RSRC1: variants seen among roughly 807,000 people sequenced by gnomAD.
RSRC1 encodes the protein arginine and serine rich coiled-coil 1.
Under a neutral mutation model 49.1 loss-of-function variants are expected in RSRC1, and 39 were observed. That is an observed-to-expected ratio of 0.79 (90% confidence interval 0.61 to 1.04). The LOEUF (loss-of-function observed/expected upper bound fraction) is 1.04. RSRC1 is among the 50% of genes least tolerant of loss of function. The pLI is 0.00. For synonymous variants in RSRC1, 143 were observed against 130.8 expected (o/e 1.09, Z -0.63); for missense variants, 388 against 402.4 (o/e 0.96, Z 0.31).
chr3:158,134,499 A>G (rs1716236103), intron 3 of RSRC1, among the ~76,000 whole-genome samples: 1 of 152,228 alleles, frequency 6.6e-6, no homozygotes, highest in Admixed American at 6.5e-5. Flanking sequence ...GAAAATCTGC[A>G]TTGCATAGTT....
chr3:158,392,160 C>T (rs1446944981), intron 6 of RSRC1, among the ~76,000 whole-genome samples: 1 of 152,122 alleles, frequency 6.6e-6, no homozygotes, highest in African/African-American at 2.4e-5. Flanking sequence ...TGCATACCTA[C>T]ATACTATATT....
intron 3 of RSRC1, among the ~76,000 whole-genome samples, chr3:158,194,591 C>T (rs1225247329): frequency 1.3e-5 from 2 of 150,734 alleles, no homozygotes; most frequent in African/African-American, 4.9e-5. Context: ...TGGTGTGCTG[C>T]ACCCATTAAC....
intron 3 of RSRC1, among the ~76,000 whole-genome samples, chr3:158,168,990 C>T (rs1261696864): frequency 6.6e-6 from 1 of 152,046 alleles, no homozygotes; most frequent in Non-Finnish European, 1.5e-5. Flanking sequence ...GAGGTTGAAC[C>T]CACCTCGTTG....
At chr3:158,420,397 T>A (rs1346027489) in intron 6 of RSRC1, among the ~76,000 whole-genome samples, 1 of 151,906 alleles carries the variant, frequency 6.6e-6, no homozygotes, top group Non-Finnish European at 1.5e-5. Context: ...GTCAGAACCC[T>A]ACAACAGTTT....
At chr3:158,218,103 G>A (rs983165290) in intron 4 of RSRC1, among the ~76,000 whole-genome samples, 9 of 151,658 alleles carry the variant, frequency 5.9e-5, no homozygotes, top group Non-Finnish European at 1.2e-4. Flanking sequence ...CGGAGAAACA[G>A]ATAGGGGCTA....
In RSRC1 at chr3:158,433,156, CT is replaced by C. The variant is rs201295151; in HGVS notation, c.584-27777del. ...CTATATAACATCACGTAATGCTGTG[CT>C]TGCTTACTATTAAATAGGTTTTAGA... On this transcript the variant is annotated intron_variant, in intron 6 of 9. Transcript: ENST00000611884. Among the ~76,000 whole-genome samples the C allele has an allele frequency of 9.0e-3, 1,367 of 151,966 alleles. 8 individuals are homozygous for C. The highest frequency in any genetic ancestry group is 0.013 in the Non-Finnish European group (852 of 67,896).
intron 6 of RSRC1, among the ~76,000 whole-genome samples, chr3:158,406,454 A>C (rs899833360): frequency 6.6e-6 from 1 of 152,098 alleles, no homozygotes; most frequent in Non-Finnish European, 1.5e-5. Flanking sequence ...AAAATTCTTA[A>C]GGTAATTGGT....
intron 7 of RSRC1, among the ~76,000 whole-genome samples, chr3:158,510,772 G>T (rs919028475): frequency 6.6e-6 from 1 of 151,986 alleles, no homozygotes; most frequent in African/African-American, 2.4e-5. Context: ...TATTGGAATT[G>T]ATTATTAAGT....
At chr3:158,480,226 T>G (rs994187981) in intron 7 of RSRC1, among the ~76,000 whole-genome samples, 2 of 152,066 alleles carry the variant, frequency 1.3e-5, no homozygotes, top group African/African-American at 4.8e-5. Flanking sequence ...TTAGAAGTTT[T>G]AGAAGCAATT....
At chr3:158,378,926 T>A (rs1295895964) in intron 6 of RSRC1, among the ~76,000 whole-genome samples, 1 of 152,208 alleles carries the variant, frequency 6.6e-6, no homozygotes, top group Non-Finnish European at 1.5e-5. Context: ...TCTTCAGAGA[T>A]TTTAAATGGT....
At chr3:158,434,684 C>T (rs909352447) in intron 6 of RSRC1, among the ~76,000 whole-genome samples, 25 of 151,932 alleles carry the variant, frequency 1.6e-4, no homozygotes, top group African/African-American at 5.8e-4. Flanking sequence ...AGCTCCTGCT[C>T]ATTACACCTG....
At chr3:158,235,985 G>A (rs140968123) in intron 4 of RSRC1, among the ~76,000 whole-genome samples, 1 of 152,106 alleles carries the variant, frequency 6.6e-6, no homozygotes, top group East Asian at 1.9e-4. Flanking sequence ...GTATGGTGGT[G>A]TATGTCTATA....
chr3:158,540,262 C>T (rs545622361), intron 8 of RSRC1, among the ~76,000 whole-genome samples: 1 of 152,196 alleles, frequency 6.6e-6, no homozygotes, highest in African/African-American at 2.4e-5. Flanking sequence ...AAAAAAATTG[C>T]TGACACCAAA....
At chr3:158,121,816 C>G (rs1047944537) in intron 1 of RSRC1, among the ~76,000 whole-genome samples, 1 of 152,056 alleles carries the variant, frequency 6.6e-6, no homozygotes, top group African/African-American at 2.4e-5. Flanking sequence ...TTGAATAAGA[C>G]TTTTAAAAAT....
chr3:158,138,289 T>C lies in RSRC1; in HGVS notation c.320+14298T>C, dbSNP rs142943045. On this transcript the variant is annotated intron_variant, in intron 3 of 9. Coordinates refer to ENST00000611884, the MANE Select transcript of RSRC1 (RefSeq NM_001271838.2). ...AATTTCCATGGCTCCTCTTCACTGG[T>C]ATAGATAACCAGACAGTGACTGCAC... is the stretch of plus-strand genomic sequence containing the variant. Among the ~76,000 whole-genome samples the C allele has an allele frequency of 3.1e-4, 47 of 152,324 alleles. No homozygotes were observed. In the East Asian group the frequency reaches 8.5e-3, roughly 28 times the overall value.
At chr3:158,144,748 C>T (rs1460863262) in intron 3 of RSRC1, among the ~76,000 whole-genome samples, 3 of 152,148 alleles carry the variant, frequency 2.0e-5, no homozygotes, top group Non-Finnish European at 4.4e-5. Flanking sequence ...TACAGTCCCC[C>T]CAACAGTGTA....
intron 7 of RSRC1, among the ~76,000 whole-genome samples, chr3:158,494,344 AT>A (rs1739215796): frequency 6.6e-6 from 1 of 152,214 alleles, no homozygotes; most frequent in Non-Finnish European, 1.5e-5. Context: ...TAAATGGTAC[AT>A]CTATATAGGG....
chr3:158,233,404 C>G (rs1193249161), intron 4 of RSRC1, among the ~76,000 whole-genome samples: 1 of 151,988 alleles, frequency 6.6e-6, no homozygotes, highest in East Asian at 1.9e-4. Context: ...AAGTGATGAT[C>G]AAAACTGGAG....
At chr3:158,336,553 G>A (rs1020900755) in intron 5 of RSRC1, 1 of 152,856 alleles carries the variant, frequency 6.5e-6, no homozygotes. Context: ...AGACAGCCTT[G>A]TGTTCATTAC....
Sources: allele counts gnomAD v4.1 joint callset (sites outside exome capture counted in the v4.1 genomes callset), GRCh38; gene constraint gnomAD v4.1.1; transcripts MANE v1.5; gene names NCBI Gene and HGNC (gene_info 2026-07-23, HGNC 2026-07-21).